The following MTA1 variants were observed in gnomAD, a reference collection of about 807,000 sequenced individuals.
MTA1 encodes the protein metastasis associated 1.
In MTA1, 15 loss-of-function variants were observed where a neutral mutation model predicts 97.0. The ratio of observed to expected loss-of-function variants is 0.15; its 90% confidence interval spans 0.10 to 0.24. The LOEUF is 0.24. Ranked by LOEUF, MTA1 falls within the 10% of genes least tolerant of loss-of-function variation. The probability of loss-of-function intolerance (pLI) is 1.00; values close to 1 mark genes in which losing one functional copy is unlikely to be tolerated. For missense variants in MTA1, 709 were observed against 1,015.1 expected, an observed-to-expected ratio of 0.70 and a Z score of 4.10; for synonymous variants, 435 against 417.5, an observed-to-expected ratio of 1.04 and a Z score of -0.51.
intron 3 of MTA1, 101 bp downstream of exon 3, chr14:105,445,612 G>A (rs1018256409): frequency 1.0e-5 from 12 of 1,200,480 alleles, no homozygotes; most frequent in South Asian, 7.6e-5. Context: ...TCCTGGCCTC[G>A]TGGGGCCACC....
intron 1 of MTA1, among the ~76,000 whole-genome samples, chr14:105,437,599 G>C (rs1370748638): frequency 6.6e-6 from 1 of 152,228 alleles, no homozygotes; most frequent in African/African-American, 2.4e-5. Context: ...GGGTCCTCGC[G>C]GCACGGGTTT....
At chr14:105,426,698 C>T (rs2082025196) in intron 1 of MTA1, among the ~76,000 whole-genome samples, 1 of 152,218 alleles carries the variant, frequency 6.6e-6, no homozygotes. Flanking sequence ...ACCTCGGATG[C>T]TGGGGCTCTG....
chr14:105,427,461 C>A (rs139524494), intron 1 of MTA1, among the ~76,000 whole-genome samples: 1 of 152,120 alleles, frequency 6.6e-6, no homozygotes, highest in East Asian at 1.9e-4. Flanking sequence ...ATGGAGAGAA[C>A]GTGTGTTGGA....
intron 18 of MTA1, chr14:105,468,063 G>C (rs1004127417): frequency 2.8e-6 from 1 of 350,982 alleles, no homozygotes; most frequent in African/African-American, 2.1e-5. Flanking sequence ...GTAGCGGCCA[G>C]GACCTGGGCG....
chr14:105,429,522 G>T (rs2082114074), intron 1 of MTA1, among the ~76,000 whole-genome samples: 1 of 151,284 alleles, frequency 6.6e-6, no homozygotes, highest in Non-Finnish European at 1.5e-5. Flanking sequence ...CACGATCTCG[G>T]CTCACTGCAA....
chr14:105,429,197 G>A (rs894243270), intron 1 of MTA1, among the ~76,000 whole-genome samples: 2 of 152,182 alleles, frequency 1.3e-5, no homozygotes, highest in African/African-American at 2.4e-5. Flanking sequence ...GAATGTGTCC[G>A]CTTTGATTTC....
intron 6 of MTA1, among the ~76,000 whole-genome samples, 195 bp downstream of exon 6, chr14:105,450,519 C>T (rs980028650): frequency 6.6e-5 from 10 of 152,364 alleles, no homozygotes; most frequent in South Asian, 2.1e-4. Context: ...CCCCACCCTA[C>T]GCGTCCAGAG....
At chr14:105,440,641 C>T (rs1375077127) in intron 2 of MTA1, among the ~76,000 whole-genome samples, 1 of 152,278 alleles carries the variant, frequency 6.6e-6, no homozygotes, top group Admixed American at 6.5e-5. Flanking sequence ...CGTCCTAGGA[C>T]TCCCTCCTCC....
chr14:105,441,736 G>A (rs2082534256), intron 2 of MTA1, among the ~76,000 whole-genome samples: 1 of 152,204 alleles, frequency 6.6e-6, no homozygotes, highest in Non-Finnish European at 1.5e-5. Context: ...GGAGCTTGCA[G>A]TGAGCCGAGA....
chr14:105,431,674 G>A (rs1361704242), intron 1 of MTA1, among the ~76,000 whole-genome samples: 1 of 152,212 alleles, frequency 6.6e-6, no homozygotes, highest in African/African-American at 2.4e-5. Context: ...TGCCCAGGCA[G>A]CAGTGCAGTG....
intron 2 of MTA1, among the ~76,000 whole-genome samples, chr14:105,445,141 T>C (rs1047885734): frequency 5.6e-4 from 85 of 152,182 alleles, no homozygotes; most frequent in African/African-American, 2.0e-3. Context: ...GACCCTGCTG[T>C]TCTCAGGTGG....
intron 1 of MTA1, among the ~76,000 whole-genome samples, chr14:105,435,576 G>A (rs1460268643): frequency 6.6e-6 from 1 of 152,206 alleles, no homozygotes; most frequent in African/African-American, 2.4e-5. Context: ...GGGCAATGGC[G>A]TTCTCACTGT....
chr14:105,467,613 C>T (rs376928003), intron 18 of MTA1: 10 of 386,956 alleles, frequency 2.6e-5, no homozygotes, highest in African/African-American at 2.1e-4. Context: ...CCTGTCCTTG[C>T]AGCTTCCTCC....
At chr14:105,425,791 G>C (rs2141403680) in intron 1 of MTA1, among the ~76,000 whole-genome samples, 1 of 151,906 alleles carries the variant, frequency 6.6e-6, no homozygotes, top group Non-Finnish European at 1.5e-5. Flanking sequence ...CACCCTCATA[G>C]TGCAAGGCCA....
chr14:105,454,289 A>G lies in MTA1; in HGVS notation c.529A>G (p.Ile177Val). ...AGTAGGAAACCGGTACCAGGCAGAC[A>G]TCACCGACTTGTTAAAAGAAGGTAG... ...IRVGNRYQAD[I>V]TDLLKEGEED... is the part of the protein sequence containing the mutation. The change falls in exon 7 of 21, where the codon ATC becomes GTC. Residue 177 changes from isoleucine (I) to valine (V), a missense_variant. Ile to Val is a conservative substitution (Grantham distance 29). Around this residue, in one of 2 missense-constraint regions of MTA1, gnomAD observed 321 missense variants for 593.5 expected, o/e 0.54. Coordinates refer to ENST00000331320, the MANE Select transcript of MTA1 (RefSeq NM_004689.4). 2 of 1,613,412 alleles carry G rather than the reference A, an allele frequency of 1.2e-6. No homozygotes were observed. Among genetic ancestry groups the G allele is most frequent in the Non-Finnish European group, 1.7e-6 (2 of 1,179,526 alleles).
chr14:105,437,236 C>T (rs2082352610), intron 1 of MTA1, among the ~76,000 whole-genome samples: 1 of 107,176 alleles, frequency 9.3e-6, no homozygotes, highest in African/African-American at 2.9e-5. Flanking sequence ...TCCTCACGGG[C>T]GTGTGCCTGC....
At chr14:105,423,215 ATTTTT>A (rs1166908446) in intron 1 of MTA1, among the ~76,000 whole-genome samples, 2 of 113,580 alleles carry the variant, frequency 1.8e-5, no homozygotes, top group Admixed American at 1.7e-4. Context: ...TTTTTGTTTA[ATTTTT>A]TTTTTTTTTT....
intron 6 of MTA1, among the ~76,000 whole-genome samples, chr14:105,450,778 G>A (rs1181060882): frequency 6.6e-6 from 1 of 152,194 alleles, no homozygotes; most frequent in Non-Finnish European, 1.5e-5. Flanking sequence ...ATTATACGGT[G>A]TTAACCTGCC....
At chr14:105,451,793 T>G (rs1326977473) in intron 6 of MTA1, among the ~76,000 whole-genome samples, 10 of 142,594 alleles carry the variant, frequency 7.0e-5, no homozygotes, top group East Asian at 2.0e-4. Flanking sequence ...GTTTTTTTTT[T>G]TTTTTTTTTT....
Sources: allele counts gnomAD v4.1 joint callset (sites outside exome capture counted in the v4.1 genomes callset), GRCh38; gene constraint gnomAD v4.1.1; regional missense constraint gnomAD v4.1.1; transcripts MANE v1.5; gene names NCBI Gene and HGNC (gene_info 2026-07-23, HGNC 2026-07-21).